The following KLHL29 variants were observed in gnomAD, a reference collection of about 807,000 sequenced individuals.
KLHL29 encodes the protein kelch like family member 29.
In KLHL29, 21 loss-of-function variants were observed where a neutral mutation model predicts 80.4. The ratio of observed to expected loss-of-function variants is 0.26; its 90% CI spans 0.19 to 0.38. KLHL29 has a LOEUF of 0.38. Among genes scored for constraint, KLHL29 ranks in the 10% least tolerant of loss-of-function variants. The pLI, the probability that KLHL29 is intolerant of heterozygous loss-of-function variation, is 1.00. For synonymous variants in KLHL29, 511 were observed against 526.8 expected, an observed-to-expected ratio of 0.97 and a Z score of 0.41; for missense variants, 867 against 1,223.9, an observed-to-expected ratio of 0.71 and a Z score of 4.35.
At chr2:23,641,762 T>C (rs1669776774) in intron 4 of KLHL29, among the ~76,000 whole-genome samples, 1 of 152,110 alleles carries the variant, frequency 6.6e-6, no homozygotes, top group Non-Finnish European at 1.5e-5. Flanking sequence ...GGCGGGCAGA[T>C]CACCTGAGCT....
chr2:23,677,497 C>T (rs756268927), intron 5 of KLHL29, among the ~76,000 whole-genome samples: 1 of 152,236 alleles, frequency 6.6e-6, no homozygotes, highest in South Asian at 2.1e-4. Flanking sequence ...GTCACACGTC[C>T]GACTCAGGCT....
At chr2:23,686,278 G>A (rs1209256238) in intron 6 of KLHL29, among the ~76,000 whole-genome samples, 10 of 152,030 alleles carry the variant, frequency 6.6e-5, no homozygotes, top group Admixed American at 5.9e-4. Context: ...CCACCTGAAG[G>A]AAGGAGAACA....
intron 2 of KLHL29, among the ~76,000 whole-genome samples, chr2:23,488,942 C>T (rs372761549): frequency 3.9e-5 from 6 of 152,310 alleles, no homozygotes; most frequent in East Asian, 1.9e-4. Flanking sequence ...CGGACTTGGC[C>T]GGTCCCAGGG....
At chr2:23,612,913 A>AT (rs1229901243) in intron 3 of KLHL29, among the ~76,000 whole-genome samples, 25 of 152,318 alleles carry the variant, frequency 1.6e-4, no homozygotes, top group South Asian at 6.2e-4. Flanking sequence ...GTATACAAAG[A>AT]TAAAAAATCT....
intron 3 of KLHL29, among the ~76,000 whole-genome samples, chr2:23,615,882 A>G (rs995581539): frequency 2.6e-5 from 4 of 152,026 alleles, no homozygotes; most frequent in African/African-American, 9.7e-5. Context: ...GCCAGTGCCT[A>G]TGTCTGTCCC....
At chr2:23,559,303 C>T (rs548726570) in intron 2 of KLHL29, among the ~76,000 whole-genome samples, 33 of 152,168 alleles carry the variant, frequency 2.2e-4, no homozygotes, top group African/African-American at 6.5e-4. Context: ...TGGGCCACCA[C>T]GAAGAGTTGG....
At chr2:23,679,767 GGAGGGCA>G (rs1365392084) in intron 5 of KLHL29, among the ~76,000 whole-genome samples, 9 of 152,338 alleles carry the variant, frequency 5.9e-5, no homozygotes, top group East Asian at 1.9e-4. Context: ...AGCCTCCGGA[GGAGGGCA>G]GAGGGCAGAG....
intron 3 of KLHL29, among the ~76,000 whole-genome samples, chr2:23,633,700 G>T (rs1454974023): frequency 6.6e-6 from 1 of 151,444 alleles, no homozygotes; most frequent in Non-Finnish European, 1.5e-5. Context: ...AAAAAGATAG[G>T]CCCAGGACTG....
At chr2:23,574,804 A>G (rs188268386) in intron 3 of KLHL29, among the ~76,000 whole-genome samples, 86 of 152,348 alleles carry the variant, frequency 5.6e-4, no homozygotes, top group Admixed American at 2.4e-3. Flanking sequence ...GCATAAATTC[A>G]GGGACAGCTG....
At chr2:23,652,008 G>A (rs149029903) in intron 5 of KLHL29, among the ~76,000 whole-genome samples, 43 of 152,300 alleles carry the variant, frequency 2.8e-4, no homozygotes, top group Non-Finnish European at 5.0e-4. Context: ...GGAATTTGGG[G>A]TAGGAGGGGA....
At chr2:23,408,812 A>T (rs10495745) in intron 1 of KLHL29, among the ~76,000 whole-genome samples, 39,318 of 152,074 alleles carry the variant, frequency 0.26, 6,271 homozygotes, top group Admixed American at 0.34. Flanking sequence ...GTGTCTTCAC[A>T]TTGAAGTTTC....
Position 23,642,498 on chromosome 2 carries a change from G to C in KLHL29, c.588G>C (p.Gln196His), listed in dbSNP as rs1277254543. ...CACTGCCTCCCCACGTGGGGCCCCA[G>C]CTCCCGCTGATGCCAGGCCACTACT... ...TPSLPPHVGP[Q>H]LPLMPGHYSL... Residue 196 changes from glutamine (Q) to histidine (H), a missense_variant, in exon 5 of 14, where the codon CAG (glutamine) becomes CAC (histidine). By Grantham distance (24) the Gln-to-His change is conservative. Around this residue, in one of 2 missense-constraint regions of KLHL29, gnomAD observed 424 missense variants for 456.9 expected, o/e 0.93. Coordinates refer to ENST00000486442, the MANE Select transcript of KLHL29 (RefSeq NM_052920.2). 1 of 1,519,582 alleles carries C rather than the reference G, an allele frequency of 6.6e-7. No individual in the cohort carries two copies. Among genetic ancestry groups the C allele is most frequent in the Non-Finnish European group, 8.9e-7 (1 of 1,126,930 alleles). The allele number at this position is 1,519,582 out of a possible 1,614,324, so 94.1% of individuals were successfully genotyped here. A position where few individuals can be genotyped will look rare whatever the true frequency, so the allele number is the denominator to read the frequency against.
intron 5 of KLHL29, among the ~76,000 whole-genome samples, chr2:23,663,144 A>G (rs569198151): frequency 2.0e-5 from 3 of 152,020 alleles, no homozygotes; most frequent in Non-Finnish European, 4.4e-5. Context: ...GCTCCTCGCT[A>G]CTCCCAGCCC....
intron 1 of KLHL29, among the ~76,000 whole-genome samples, chr2:23,445,183 T>A (rs1167985584): frequency 6.6e-5 from 10 of 152,222 alleles, no homozygotes; most frequent in Non-Finnish European, 1.2e-4. Flanking sequence ...GGTTTAAAAG[T>A]CAAAACCATA....
At chr2:23,558,859 G>C (rs1392628038) in intron 2 of KLHL29, among the ~76,000 whole-genome samples, 3 of 152,270 alleles carry the variant, frequency 2.0e-5, no homozygotes, top group Non-Finnish European at 4.4e-5. Context: ...TTAGTTTATT[G>C]ATTCATTCAG....
intron 3 of KLHL29, among the ~76,000 whole-genome samples, chr2:23,591,363 C>G (rs1347091513): frequency 2.6e-5 from 4 of 152,144 alleles, no homozygotes; most frequent in Non-Finnish European, 5.9e-5. Context: ...GGCCAGCCCT[C>G]TCTGTGCTCC....
At chr2:23,536,955 C>T (rs1326703307) in intron 2 of KLHL29, among the ~76,000 whole-genome samples, 1 of 151,872 alleles carries the variant, frequency 6.6e-6, no homozygotes, top group Non-Finnish European at 1.5e-5. Flanking sequence ...CTCTCTCCCT[C>T]TCTCGCTCTC....
Position 23,681,173 on chromosome 2 carries a change from C to T in KLHL29, c.941-3226C>T, listed in dbSNP as rs1052745196. Reference sequence around the variant, plus strand: ...GCCGGGCAGGCAGTGGGCAGCAGCCCGCACACACCAGCCAATCGATACTAG... The same window carrying T: ...GCCGGGCAGGCAGTGGGCAGCAGCCTGCACACACCAGCCAATCGATACTAG... On this transcript the variant is annotated intron_variant, in intron 5 of 13. Coordinates refer to ENST00000486442, the MANE Select transcript of KLHL29 (RefSeq NM_052920.2). The surrounding 1 kb of genome is among the most constrained non-coding windows in gnomAD (Gnocchi z 4.2). 5.3e-5 allele frequency among the ~76,000 whole-genome samples: 8 copies of T among 152,214 alleles called. No individual in the cohort carries two copies. The highest frequency in any genetic ancestry group is 1.0e-4 in the Non-Finnish European group (7 of 68,040).
intron 3 of KLHL29, among the ~76,000 whole-genome samples, chr2:23,563,228 G>A (rs1257484414): frequency 6.6e-6 from 1 of 152,250 alleles, no homozygotes; most frequent in Non-Finnish European, 1.5e-5. Flanking sequence ...GTGGAAAACA[G>A]TGTTGCCAAG....
Sources: allele counts gnomAD v4.1 joint callset (sites outside exome capture counted in the v4.1 genomes callset), GRCh38; gene constraint gnomAD v4.1.1; regional missense constraint gnomAD v4.1.1; non-coding constraint Gnocchi (gnomAD v3.1); transcripts MANE v1.5; gene names NCBI Gene and HGNC (gene_info 2026-07-23, HGNC 2026-07-21).